RAB11A: variants seen among roughly 807,000 people sequenced by gnomAD.
The protein encoded by RAB11A is ras-related protein Rab-11A.
RAB11A carries 9 observed loss-of-function variants against 28.0 expected under a neutral mutation model. The ratio of observed to expected loss-of-function variants is 0.32; its 90% CI spans 0.19 to 0.56. The LOEUF (loss-of-function observed/expected upper bound fraction) is 0.56, where lower values mean the gene tolerates loss of function less well. Ranked by LOEUF, RAB11A falls within the 20% of genes least tolerant of loss-of-function variation. The pLI, the probability that RAB11A is intolerant of heterozygous loss-of-function variation, is 0.91. For synonymous variants in RAB11A, 85 were observed against 88.2 expected (o/e 0.96, Z 0.20); for missense variants, 108 against 269.6 (o/e 0.40, Z 4.20).
At chr15:65,876,441 C>T (rs2078191792) in intron 1 of RAB11A, among the ~76,000 whole-genome samples, 1 of 152,010 alleles carries the variant, frequency 6.6e-6, no homozygotes, top group African/African-American at 2.4e-5. Context: ...GGATTACATG[C>T]GCCCACCACC....
intron 4 of RAB11A, among the ~76,000 whole-genome samples, chr15:65,881,788 A>G (rs1463760327): frequency 6.7e-6 from 1 of 149,788 alleles, no homozygotes; most frequent in East Asian, 2.0e-4. Flanking sequence ...ACATCCTAAC[A>G]CCTGTAGAAC....
intron 4 of RAB11A, among the ~76,000 whole-genome samples, chr15:65,880,809 T>G (rs1596788192): frequency 2.0e-5 from 3 of 152,310 alleles, no homozygotes; most frequent in African/African-American, 7.2e-5. Context: ...TCTATAAAAT[T>G]CATATATATT....
chr15:65,879,509 GTAAA>G (rs1218243243), intron 3 of RAB11A, among the ~76,000 whole-genome samples, 158 bp from the exon 4 acceptor site: 4 of 152,156 alleles, frequency 2.6e-5, no homozygotes, highest in Non-Finnish European at 5.9e-5. Context: ...AATAAAGTAA[GTAAA>G]TAAATAAAGT....
intron 1 of RAB11A, among the ~76,000 whole-genome samples, chr15:65,875,961 G>C (rs941428750): frequency 6.6e-6 from 1 of 152,218 alleles, no homozygotes; most frequent in African/African-American, 2.4e-5. Context: ...GTAGTCAAAA[G>C]TAGGAACGAA....
Position 65,877,946 on chromosome 15 carries a change from G to A in RAB11A, c.421G>A (p.Ala141Thr). The change falls in exon 3 of 5, where the codon GCT becomes ACT. Residue 141 changes from alanine to threonine, a missense_variant. Coordinates refer to ENST00000261890, the MANE Select transcript of RAB11A (RefSeq NM_004663.5). This position sits in a 1 kb window ranked among gnomAD's most constrained non-coding sequence, Gnocchi z 4.1. ...LRAVPTDEAR[A>T]FAEKNGLSFI... Reference sequence around the variant, plus strand: ...GGCAGTTCCTACAGATGAAGCAAGAGCTTTTGCAGGTTAGTGATAGGAATT... The same window carrying A: ...GGCAGTTCCTACAGATGAAGCAAGAACTTTTGCAGGTTAGTGATAGGAATT... 1.2e-6 allele frequency: 2 copies of A among 1,612,730 alleles called. No individual in the cohort carries two copies. The highest frequency in any genetic ancestry group is 1.7e-6 in the Non-Finnish European group (2 of 1,178,784).
At chr15:65,878,026 A>G in intron 3 of RAB11A, 71 bp downstream of exon 3, 1 of 1,332,098 alleles carries the variant, frequency 7.5e-7, no homozygotes, top group Non-Finnish European at 1.1e-6. Flanking sequence ...CAATGAGAGT[A>G]ATAGGTTATA....
intron 1 of RAB11A, among the ~76,000 whole-genome samples, chr15:65,874,836 T>C (rs8042749): frequency 0.98 from 148,563 of 152,058 alleles, 72,592 homozygotes; most frequent in African/African-American, 0.99. Context: ...TTTTGAGCCC[T>C]GGAGTTTGAG....
intron 1 of RAB11A, among the ~76,000 whole-genome samples, chr15:65,876,933 AATT>A (rs2078194732): frequency 6.6e-6 from 1 of 152,204 alleles, no homozygotes; most frequent in South Asian, 2.1e-4. Context: ...TAATATCATA[AATT>A]ATTCATTTAG....
At chr15:65,885,368 C>T (rs539606612) in intron 4 of RAB11A, among the ~76,000 whole-genome samples, 17 of 152,092 alleles carry the variant, frequency 1.1e-4, no homozygotes, top group African/African-American at 3.1e-4. Flanking sequence ...CCTCGTGATC[C>T]GCCCGCCTTG....
In RAB11A at chr15:65,888,005, T is replaced by G; in HGVS notation, c.*165T>G. On this transcript the variant is annotated 3_prime_UTR_variant, in exon 5 of 5. Coordinates refer to ENST00000261890, the MANE Select transcript of RAB11A (RefSeq NM_004663.5). ...TTTTAGCTTTATAAAATCATCCACT[T>G]GTCCCGAATGACTGCAGCTTTTTTT... 1 of 685,516 alleles carries G rather than the reference T, an allele frequency of 1.5e-6. No homozygotes were observed. Among genetic ancestry groups the G allele is most frequent in the Non-Finnish European group, 2.1e-6 (1 of 468,226 alleles). 42.5% of individuals were successfully genotyped at this position (685,516 alleles called of 1,614,324 possible). A position where few individuals can be genotyped will look rare whatever the true frequency, so the allele number is the denominator to read the frequency against.
chr15:65,872,982 G>C (rs1456343580), intron 1 of RAB11A, among the ~76,000 whole-genome samples: 9 of 152,164 alleles, frequency 5.9e-5, no homozygotes. Flanking sequence ...GAGTTAGTTT[G>C]TAACTAACCA....
At chr15:65,876,516 C>T (rs775084823) in intron 1 of RAB11A, among the ~76,000 whole-genome samples, 14 of 152,226 alleles carry the variant, frequency 9.2e-5, no homozygotes, top group South Asian at 2.1e-4. Flanking sequence ...AGGCTAGTCT[C>T]GAACTCTTGG....
At chr15:65,882,489 G>C (rs1252752687) in intron 4 of RAB11A, among the ~76,000 whole-genome samples, 2 of 152,208 alleles carry the variant, frequency 1.3e-5, no homozygotes, top group African/African-American at 4.8e-5. Context: ...ATGGAGCCCA[G>C]TCTGGTCTTG....
intron 4 of RAB11A, among the ~76,000 whole-genome samples, chr15:65,881,276 A>T (rs1156822247): frequency 2.0e-5 from 3 of 152,274 alleles, no homozygotes; most frequent in Non-Finnish European, 2.9e-5. Context: ...TTTTCTTTAT[A>T]GCCATTTGTG....
chr15:65,890,489 A>G lies in RAB11A; in HGVS notation c.*2649A>G, dbSNP rs992888513. 1.3e-5 allele frequency: 2 copies of G among 152,098 alleles called. No homozygotes were observed. The highest frequency in any genetic ancestry group is 2.9e-5 in the Non-Finnish European group (2 of 68,028). 9.4% of individuals were successfully genotyped at this position (152,098 alleles called of 1,614,324 possible). On this transcript the variant is annotated 3_prime_UTR_variant, in exon 5 of 5. Coordinates refer to ENST00000261890, the MANE Select transcript of RAB11A (RefSeq NM_004663.5). The stretch of plus-strand genomic sequence containing the variant: ...AGTTGTCATTATGTAAGGGTAAGTT[A>G]TTGCCCATTTAATTGTAATTATAAG...
At chr15:65,869,769 C>G in intron 1 of RAB11A, 144 bp downstream of exon 1, 1 of 866,224 alleles carries the variant, frequency 1.2e-6, no homozygotes, top group Non-Finnish European at 1.7e-6. Context: ...TCCTACCCAG[C>G]TCAGCCTCTT....
intron 4 of RAB11A, 146 bp downstream of exon 4, chr15:65,879,897 A>G (rs2078211964): frequency 1.7e-6 from 1 of 573,246 alleles, no homozygotes; most frequent in African/African-American, 2.0e-5. Context: ...TTAGAGTGCA[A>G]AATTAACTAC....
At chr15:65,886,308 T>G (rs2078255306) in intron 4 of RAB11A, among the ~76,000 whole-genome samples, 1 of 152,236 alleles carries the variant, frequency 6.6e-6, no homozygotes. Flanking sequence ...ATTTTAAATT[T>G]TATTTAATTA....
chr15:65,880,613 C>A lies in RAB11A; in HGVS notation c.511+862C>A, dbSNP rs138072979. Among the ~76,000 whole-genome samples the A allele has an allele frequency of 1.5e-3, 233 of 152,206 alleles. 5 individuals carry two copies. The highest frequency in any genetic ancestry group is 5.5e-3 in the African/African-American group (228 of 41,528). ...TTGATTTATTGTTTGTATGCAGCCC[C>A]TGTATTAGAGATTAACAGATTTTAA... On this transcript the variant is annotated intron_variant, in intron 4 of 4. Coordinates refer to ENST00000261890, the MANE Select transcript of RAB11A (RefSeq NM_004663.5).
Sources: allele counts gnomAD v4.1 joint callset (sites outside exome capture counted in the v4.1 genomes callset), GRCh38; gene constraint gnomAD v4.1.1; non-coding constraint Gnocchi (gnomAD v3.1); transcripts MANE v1.5; gene names NCBI Gene and HGNC (gene_info 2026-07-23, HGNC 2026-07-21).